Variants in COL21A1 observed in about 807,000 individuals in gnomAD.
The protein encoded by COL21A1 is collagen type XXI alpha 1 chain, also known as collagen alpha-1(XXI) chain.
A neutral mutation model predicts 137.9 loss-of-function variants in COL21A1; 149 were observed. The ratio of observed to expected loss-of-function variants is 1.08; its 90% CI spans 0.95 to 1.24. The LOEUF is 1.24. COL21A1 is among the 50% of genes most tolerant of loss of function. The pLI, the probability that COL21A1 is intolerant of heterozygous loss-of-function variation, is 0.00. For synonymous variants in COL21A1, 456 were observed against 391.5 expected (o/e 1.16, Z -1.95); for missense variants, 1,167 against 1,158.4 (o/e 1.01, Z -0.11).
At chr6:56,252,233 A>C (rs951911189), upstream of COL21A1, among the ~76,000 whole-genome samples, 4 of 152,356 alleles carry the variant, frequency 2.6e-5, no homozygotes, top group Non-Finnish European at 4.4e-5. Flanking sequence ...AATTACTACA[A>C]GCTACAGCTT....
intron 12 of COL21A1, 79 bp downstream of exon 12, chr6:56,141,706 T>C (rs2152236978): frequency 1.4e-6 from 2 of 1,450,198 alleles, no homozygotes; most frequent in South Asian, 1.1e-5. Context: ...ACGCAGACTA[T>C]TGAATGGAAA....
At chr6:56,109,538 A>T (rs1771230912) in intron 16 of COL21A1, among the ~76,000 whole-genome samples, 1 of 151,874 alleles carries the variant, frequency 6.6e-6, no homozygotes, top group Middle Eastern at 3.2e-3. Flanking sequence ...ATTCCCATGG[A>T]AAAAAATAAG....
chr6:56,261,239 A>G (rs1327373008), intron 1 of COL21A1, among the ~76,000 whole-genome samples: 1 of 151,820 alleles, frequency 6.6e-6, no homozygotes, highest in African/African-American at 2.4e-5. Flanking sequence ...TCAGTTTTGC[A>G]CCCTAGGCAC....
intron 1 of COL21A1, among the ~76,000 whole-genome samples, chr6:56,287,675 A>T (rs1166089601): frequency 4.6e-5 from 7 of 152,082 alleles, no homozygotes; most frequent in Admixed American, 4.6e-4. Context: ...TTTTATTCAT[A>T]AGTTACCCAG....
At chr6:56,167,109 G>A in intron 6 of COL21A1, 126 bp from the exon 7 acceptor site, 1 of 673,874 alleles carries the variant, frequency 1.5e-6, no homozygotes, top group Non-Finnish European at 2.6e-6. Flanking sequence ...ACAGCATTTA[G>A]CTAAAACAAT....
chr6:56,298,901 G>A (rs1764218118), intron 1 of COL21A1, among the ~76,000 whole-genome samples: 1 of 152,012 alleles, frequency 6.6e-6, no homozygotes, highest in Non-Finnish European at 1.5e-5. Context: ...AGAGCTTAAG[G>A]GGACCTTAAA....
intron 1 of COL21A1, among the ~76,000 whole-genome samples, chr6:56,327,753 C>T: frequency 6.6e-6 from 1 of 152,062 alleles, no homozygotes; most frequent in Non-Finnish European, 1.5e-5. Flanking sequence ...TACTCCTGGG[C>T]AACTCATTGT....
At chr6:56,260,848 C>CTGTGTGTGTGTGTG (rs70986790) in intron 1 of COL21A1, among the ~76,000 whole-genome samples, 23,942 of 134,816 alleles carry the variant, frequency 0.18, 2,280 homozygotes, top group Non-Finnish European at 0.2. Context: ...CTTTAATTCA[C>CTGTGTGTGTGTGTG]TGTGTGTGTG....
intron 1 of COL21A1, among the ~76,000 whole-genome samples, chr6:56,338,333 G>T (rs1765381268): frequency 6.6e-6 from 1 of 152,012 alleles, no homozygotes. Flanking sequence ...AGCTAGTAGT[G>T]CTCCATACCT....
intron 16 of COL21A1, 95 bp from the exon 17 acceptor site, chr6:56,101,620 A>G (rs4379279): frequency 0.71 from 586,857 of 831,988 alleles, 208,053 homozygotes; most frequent in East Asian, 0.85. Flanking sequence ...AAGAACATTA[A>G]ATACAAACAG....
chr6:56,192,544 C>G (rs1258398249), intron 1 of COL21A1, among the ~76,000 whole-genome samples: 1 of 151,556 alleles, frequency 6.6e-6, no homozygotes, highest in African/African-American at 2.4e-5. Flanking sequence ...GCAGACATTT[C>G]TCAAAAGAAG....
intron 1 of COL21A1, among the ~76,000 whole-genome samples, chr6:56,301,523 T>A (rs1430749909): frequency 6.6e-6 from 1 of 152,052 alleles, no homozygotes; most frequent in Non-Finnish European, 1.5e-5. Flanking sequence ...TTTGTGATAG[T>A]TTTTTAGAGC....
At chr6:56,250,644 T>G (rs1446332011), upstream of COL21A1, among the ~76,000 whole-genome samples, 2 of 152,112 alleles carry the variant, frequency 1.3e-5, no homozygotes, top group African/African-American at 4.8e-5. Flanking sequence ...CAGCAGACAA[T>G]CCAGCATCAC....
intron 16 of COL21A1, among the ~76,000 whole-genome samples, chr6:56,111,914 A>G (rs1032791515): frequency 6.6e-6 from 1 of 151,710 alleles, no homozygotes; most frequent in African/African-American, 2.4e-5. Context: ...CACATCCCAC[A>G]GGCTCTCTTG....
chr6:56,277,119 C>T (rs1763684596), intron 1 of COL21A1, among the ~76,000 whole-genome samples: 1 of 151,898 alleles, frequency 6.6e-6, no homozygotes, highest in African/African-American at 2.4e-5. Flanking sequence ...CACACCCAGC[C>T]GGTTGTTCAG....
chr6:56,166,977 C>T lies in COL21A1; in HGVS notation c.1207G>A (p.Val403Ile). Residue 403 changes from valine to isoleucine, a missense_variant, in exon 7 of 30, where the codon GTC becomes ATC. By Grantham distance (29) the Val-to-Ile change is conservative. Coordinates refer to ENST00000244728, the MANE Select transcript of COL21A1 (RefSeq NM_030820.4). Reference protein sequence around the residue: ...SGKEETVQFDVQKLRIYCDPE... With the variant: ...SGKEETVQFDIQKLRIYCDPE... ...TCACAGTAGATTCGCAACTTTTGGA[C>T]ATCAAACTAAGAACATAAACCCAGT... is the stretch of plus-strand genomic sequence containing the variant. 1.9e-6 allele frequency: 3 copies of T among 1,610,048 alleles called. No individual in the cohort carries two copies. The highest frequency in any genetic ancestry group is 2.5e-6 in the Non-Finnish European group (3 of 1,177,774).
chr6:56,176,552 A>G (rs1046530787), intron 3 of COL21A1, among the ~76,000 whole-genome samples: 1 of 151,512 alleles, frequency 6.6e-6, no homozygotes, highest in African/African-American at 2.4e-5. Context: ...GCAAATCAAT[A>G]CTACAATGAA....
At chr6:56,169,415 C>T (rs1481139254) in intron 5 of COL21A1, among the ~76,000 whole-genome samples, 2 of 151,904 alleles carry the variant, frequency 1.3e-5, no homozygotes, top group East Asian at 3.9e-4. Flanking sequence ...ATTGCCTTGA[C>T]CATGACACAC....
chr6:56,371,369 A>G (rs570084641), intron 1 of COL21A1, among the ~76,000 whole-genome samples: 12 of 152,300 alleles, frequency 7.9e-5, no homozygotes, highest in African/African-American at 2.9e-4. Flanking sequence ...ATGACAAGGA[A>G]TCACAGCCCA....
Sources: gnomAD v4.1 joint callset for allele counts (sites outside exome capture counted in the v4.1 genomes callset) on GRCh38, gnomAD v4.1.1 for gene constraint, MANE v1.5 for transcripts, NCBI Gene and HGNC (gene_info 2026-07-23, HGNC 2026-07-21) for gene names.